GLIS3: variants seen among roughly 807,000 people sequenced by gnomAD.
GLIS3 encodes GLIS family zinc finger 3.
In GLIS3, 53 loss-of-function variants were observed where a neutral mutation model predicts 78.6. The ratio of observed to expected loss-of-function variants is 0.67; its 90% CI spans 0.54 to 0.85. The LOEUF is 0.85. Ranked by LOEUF, GLIS3 falls within the 40% of genes least tolerant of loss-of-function variation. The pLI is 0.00. For missense variants in GLIS3, 1,703 were observed against 1,231.1 expected (o/e 1.38, Z -5.74); for synonymous variants, 684 against 509.9 (o/e 1.34, Z -4.60).
At chr9:4,460,924 C>A in the GLIS3 span, among the ~76,000 whole-genome samples, 1 of 152,096 alleles carries the variant, frequency 6.6e-6, no homozygotes, top group Non-Finnish European at 1.5e-5. Flanking sequence ...CTTATTAATT[C>A]TTTGATACTA....
intron 2 of GLIS3, among the ~76,000 whole-genome samples, chr9:4,186,937 CTG>C (rs1817855398): frequency 6.6e-6 from 1 of 152,106 alleles, no homozygotes; most frequent in Non-Finnish European, 1.5e-5. Flanking sequence ...TTCTCCCATT[CTG>C]TAGGTTGCCT....
chr9:4,043,053 T>C (rs1357878755), intron 4 of GLIS3, among the ~76,000 whole-genome samples: 1 of 151,830 alleles, frequency 6.6e-6, no homozygotes, highest in Non-Finnish European at 1.5e-5. Context: ...GAACCCAAAA[T>C]GGTTTTTCTC....
intron 1 of GLIS3, among the ~76,000 whole-genome samples, chr9:4,292,699 C>G (rs1816121139): frequency 6.6e-6 from 1 of 152,188 alleles, no homozygotes; most frequent in South Asian, 2.1e-4. Flanking sequence ...AACCAACTGA[C>G]AGAATAAGGA....
At chr9:3,959,861 G>C (rs1588318323) in intron 4 of GLIS3, among the ~76,000 whole-genome samples, 1 of 152,190 alleles carries the variant, frequency 6.6e-6, no homozygotes, top group Non-Finnish European at 1.5e-5. Flanking sequence ...TATAGAAAGA[G>C]GAAATTTGGG....
chr9:4,019,407 C>A (rs1171885764), intron 4 of GLIS3, among the ~76,000 whole-genome samples: 1 of 152,196 alleles, frequency 6.6e-6, no homozygotes, highest in Admixed American at 6.5e-5. Context: ...CACTGTTTGG[C>A]AGCTGTACCA....
At chr9:3,920,209 T>C (rs1588228994) in intron 6 of GLIS3, among the ~76,000 whole-genome samples, 1 of 152,246 alleles carries the variant, frequency 6.6e-6, no homozygotes, top group East Asian at 1.9e-4. Context: ...TTCTCCGTGT[T>C]AGCCAGGATG....
At chr9:4,190,886 C>G (rs1586927631) in intron 2 of GLIS3, among the ~76,000 whole-genome samples, 1 of 152,168 alleles carries the variant, frequency 6.6e-6, no homozygotes, top group East Asian at 1.9e-4. Flanking sequence ...ATGCAACATT[C>G]TTAAAGAAAA....
At chr9:4,320,906 T>C (rs1255780683) in intron 2 of GLIS3, among the ~76,000 whole-genome samples, 1 of 151,658 alleles carries the variant, frequency 6.6e-6, no homozygotes, top group South Asian at 2.1e-4. Context: ...TTTTTCAAAA[T>C]GCAAGTTTTG....
intron 2 of GLIS3, among the ~76,000 whole-genome samples, chr9:4,192,447 C>T (rs1818412054): frequency 6.6e-6 from 1 of 152,138 alleles, no homozygotes; most frequent in Non-Finnish European, 1.5e-5. Flanking sequence ...AAAACATGTT[C>T]CAAGTTCTGA....
intron 7 of GLIS3, among the ~76,000 whole-genome samples, chr9:3,890,613 T>A (rs1400877228): frequency 6.6e-6 from 1 of 152,040 alleles, no homozygotes; most frequent in Admixed American, 6.6e-5. Flanking sequence ...GAGTCAGTAT[T>A]ATTATTATTA....
At chr9:4,385,988 C>T in the GLIS3 span, among the ~76,000 whole-genome samples, 1 of 152,170 alleles carries the variant, frequency 6.6e-6, no homozygotes, top group African/African-American at 2.4e-5. Context: ...ATATTGAGAT[C>T]CCTATTCCCA....
At chr9:4,260,868 T>C (rs986807920) in intron 2 of GLIS3, among the ~76,000 whole-genome samples, 1 of 152,200 alleles carries the variant, frequency 6.6e-6, no homozygotes, top group African/African-American at 2.4e-5. Context: ...TATTACTGCC[T>C]AAGGCTGTAC....
At chr9:4,174,372 T>A (rs1357856476) in intron 2 of GLIS3, among the ~76,000 whole-genome samples, 1 of 152,128 alleles carries the variant, frequency 6.6e-6, no homozygotes, top group Non-Finnish European at 1.5e-5. Context: ...AATTCACCGA[T>A]TTTTTAAAAA....
chr9:3,842,365 G>A (rs573569882), intron 9 of GLIS3, among the ~76,000 whole-genome samples: 3 of 152,198 alleles, frequency 2.0e-5, no homozygotes, highest in East Asian at 1.9e-4. Flanking sequence ...CCAGCTACTC[G>A]GCAGGCTGAC....
intron 2 of GLIS3, among the ~76,000 whole-genome samples, chr9:4,190,192 T>G (rs1263610568): frequency 1.3e-5 from 2 of 152,180 alleles, no homozygotes; most frequent in Admixed American, 1.3e-4. Flanking sequence ...AGAATGACTT[T>G]GACGAGTTGA....
At chr9:4,187,152 C>T (rs1187822855) in intron 2 of GLIS3, among the ~76,000 whole-genome samples, 1 of 152,060 alleles carries the variant, frequency 6.6e-6, no homozygotes, top group Non-Finnish European at 1.5e-5. Flanking sequence ...GTCTTTAATC[C>T]ATCTTGAATT....
chr9:4,376,565 G>C, the GLIS3 span, among the ~76,000 whole-genome samples: 3 of 134,928 alleles, frequency 2.2e-5, 1 homozygote, highest in East Asian at 6.7e-4. Flanking sequence ...TCATTAGCAA[G>C]TCACGAAAAT....
intron 2 of GLIS3, among the ~76,000 whole-genome samples, chr9:4,344,261 T>C (rs1303647131): frequency 1.3e-5 from 2 of 152,130 alleles, no homozygotes; most frequent in African/African-American, 4.8e-5. Flanking sequence ...CCCACTACCA[T>C]TTCATTGAAA....
chr9:4,267,699 A>T (rs1826139449), intron 2 of GLIS3, among the ~76,000 whole-genome samples: 1 of 152,160 alleles, frequency 6.6e-6, no homozygotes, highest in Non-Finnish European at 1.5e-5. Flanking sequence ...CAAATCATAA[A>T]ACAACGATAA....
Sources: allele counts gnomAD v4.1 joint callset (sites outside exome capture counted in the v4.1 genomes callset), GRCh38; gene constraint gnomAD v4.1.1; transcripts MANE v1.5; gene names NCBI Gene and HGNC (gene_info 2026-07-23, HGNC 2026-07-21).